Variants in EPC2 observed in about 807,000 individuals in gnomAD.
EPC2 encodes enhancer of polycomb homolog 2.
Under a neutral mutation model 92.1 loss-of-function variants are expected in EPC2, and 14 were observed. The ratio of observed to expected loss-of-function variants is 0.15; its 90% CI spans 0.10 to 0.24. The LOEUF (loss-of-function observed/expected upper bound fraction) is 0.24, where lower values mean the gene tolerates loss of function less well. EPC2 is among the 10% of genes least tolerant of loss of function. The pLI, the probability that EPC2 is intolerant of heterozygous loss-of-function variation, is 1.00. For synonymous variants in EPC2, 340 were observed against 334.7 expected, an observed-to-expected ratio of 1.02 and a Z score of -0.17; for missense variants, 755 against 971.5, an observed-to-expected ratio of 0.78 and a Z score of 2.96.
chr2:148,673,998 C>A lies in EPC2; in HGVS notation c.154-16216C>A, dbSNP rs531537897. Among the ~76,000 whole-genome samples the A allele has an allele frequency of 2.0e-5, 3 of 152,150 alleles. No homozygotes were observed. The South Asian group carries it at 6.2e-4, about 32-fold the overall frequency. On this transcript the variant is annotated intron_variant, in intron 1 of 13. Coordinates refer to ENST00000258484, the MANE Select transcript of EPC2 (RefSeq NM_015630.4). ...ATTCATAGATCTTTTGGGTTGTTTT[C>A]TTGATTTAGTTTCTTGCTTTATTGG...
chr2:148,703,021 G>T (rs1437806230), intron 2 of EPC2, among the ~76,000 whole-genome samples: 2 of 152,112 alleles, frequency 1.3e-5, no homozygotes, highest in Non-Finnish European at 2.9e-5. Context: ...TAATGGTGCA[G>T]AGCACTATGG....
intron 6 of EPC2, among the ~76,000 whole-genome samples, chr2:148,764,338 G>A (rs1197067733): frequency 6.6e-6 from 1 of 152,016 alleles, no homozygotes; most frequent in African/African-American, 2.4e-5. Context: ...CTCTGTTGAG[G>A]GGAGGTGGGG....
intron 1 of EPC2, among the ~76,000 whole-genome samples, chr2:148,655,855 C>T (rs1436291868): frequency 2.0e-5 from 3 of 152,066 alleles, no homozygotes; most frequent in African/African-American, 7.2e-5. Context: ...TCACATTTAG[C>T]ACATTTACTA....
intron 2 of EPC2, among the ~76,000 whole-genome samples, chr2:148,734,646 T>C (rs1339031070): frequency 1.3e-5 from 2 of 152,110 alleles, no homozygotes; most frequent in African/African-American, 4.8e-5. Flanking sequence ...GCACAAATTA[T>C]TTCATTTAAT....
chr2:148,645,801 G>T (rs1248185858), intron 1 of EPC2, among the ~76,000 whole-genome samples: 4 of 152,296 alleles, frequency 2.6e-5, no homozygotes, highest in Admixed American at 6.5e-5. Flanking sequence ...ACCCGAGCCG[G>T]GCGCGGGGCG....
intron 12 of EPC2, among the ~76,000 whole-genome samples, chr2:148,784,141 C>G (rs1353543379): frequency 6.6e-6 from 1 of 152,232 alleles, no homozygotes; most frequent in Non-Finnish European, 1.5e-5. Context: ...CCTTCCCACT[C>G]TTACATACTG....
intron 1 of EPC2, among the ~76,000 whole-genome samples, chr2:148,657,027 C>T (rs1046928909): frequency 2.6e-5 from 4 of 151,494 alleles, no homozygotes; most frequent in African/African-American, 4.9e-5. Context: ...TTGTTACGCT[C>T]ATATAGGGAA....
At chr2:148,662,021 C>T (rs1479664921) in intron 1 of EPC2, among the ~76,000 whole-genome samples, 3 of 152,136 alleles carry the variant, frequency 2.0e-5, no homozygotes, top group Non-Finnish European at 2.9e-5. Context: ...TGAACAGACA[C>T]TTCTCAAAAG....
chr2:148,645,395 G>C, intron 1 of EPC2: 1 of 467,794 alleles, frequency 2.1e-6, no homozygotes. Flanking sequence ...AGCTCGCAGC[G>C]CTGCTTACGC....
rs776271708 is a variant in EPC2, at chr2:148,690,492, T to C, written c.313+119T>C. On this transcript the variant is annotated intron_variant, in intron 2 of 13. Transcript: ENST00000258484. ...ATTCATACACACTGATTAATAGATATGTTAAACATTAAAGAATAAAATCCC... is the reference window on the plus strand; with the variant it reads ...ATTCATACACACTGATTAATAGATACGTTAAACATTAAAGAATAAAATCCC... 4.5e-6 allele frequency: 4 copies of C among 888,390 alleles called. No individual in the cohort carries two copies. In the Admixed American group the frequency reaches 9.0e-5, roughly 20 times the overall value. The allele number at this position is 888,390 out of a possible 1,614,324, so 55.0% of individuals were successfully genotyped here.
rs745607433 is a variant in EPC2, at chr2:148,759,595, AT to A, written c.667-2178del. ...TGTACTGTGGTTCTATGTGAATATC[AT>A]TTTTTTTTGAAAATATATATTAAAG... On this transcript the variant is annotated intron_variant, in intron 4 of 13. Coordinates refer to ENST00000258484, the MANE Select transcript of EPC2 (RefSeq NM_015630.4). 2.8e-4 allele frequency among the ~76,000 whole-genome samples: 42 copies of A among 150,844 alleles called. No homozygotes were observed. In the East Asian group the frequency reaches 3.1e-3, roughly 11 times the overall value.
chr2:148,775,118 A>T (rs1188034582), intron 10 of EPC2, among the ~76,000 whole-genome samples: 2 of 151,978 alleles, frequency 1.3e-5, no homozygotes, highest in Non-Finnish European at 2.9e-5. Context: ...AAGAAAAAGA[A>T]AACCACTTCT....
chr2:148,760,979 A>G (rs1235358297), intron 4 of EPC2, among the ~76,000 whole-genome samples: 2 of 152,212 alleles, frequency 1.3e-5, no homozygotes, highest in South Asian at 2.1e-4. Flanking sequence ...TTTTAAACAA[A>G]TAGTTCCATG....
At chr2:148,698,690 T>A (rs895926426) in intron 2 of EPC2, among the ~76,000 whole-genome samples, 3 of 92,662 alleles carry the variant, frequency 3.2e-5, no homozygotes, top group Admixed American at 1.7e-4. Context: ...ACTAAGAAAG[T>A]AAGCTTTTTT....
intron 3 of EPC2, among the ~76,000 whole-genome samples, chr2:148,746,661 G>A (rs1026449974): frequency 6.6e-6 from 1 of 152,046 alleles, no homozygotes; most frequent in Non-Finnish European, 1.5e-5. Flanking sequence ...ATAGAGAGTA[G>A]ATTACATAAT....
chr2:148,705,990 G>A lies in EPC2; in HGVS notation c.313+15617G>A, dbSNP rs148265990. 3.7e-4 allele frequency among the ~76,000 whole-genome samples: 56 copies of A among 152,278 alleles called. 1 individual carries two copies. The East Asian group carries it at 6.0e-3, about 16-fold the overall frequency. On this transcript the variant is annotated intron_variant, in intron 2 of 13. Transcript: ENST00000258484. Reference sequence around the variant, plus strand: ...CACCAGCAACGGAACAAAGCTGGACGGAGAATGACTTTGACAAATTGACAG... The same window carrying A: ...CACCAGCAACGGAACAAAGCTGGACAGAGAATGACTTTGACAAATTGACAG...
intron 5 of EPC2, 59 bp downstream of exon 5, chr2:148,761,989 G>C: frequency 7.0e-7 from 1 of 1,427,200 alleles, no homozygotes. Flanking sequence ...TGGGCAAAAT[G>C]AACCAAAAGA....
intron 6 of EPC2, 91 bp from the exon 7 acceptor site, chr2:148,764,864 T>G: frequency 1.0e-6 from 1 of 975,724 alleles, no homozygotes; most frequent in Non-Finnish European, 1.4e-6. Flanking sequence ...TGGGTAAAAA[T>G]GTATGTTTTT....
At chr2:148,775,930 A>G (rs1164405896) in intron 10 of EPC2, among the ~76,000 whole-genome samples, 1 of 151,540 alleles carries the variant, frequency 6.6e-6, no homozygotes, top group Non-Finnish European at 1.5e-5. Flanking sequence ...GGTGCCCACC[A>G]CCACACCTGC....
Sources: gnomAD v4.1 joint callset for allele counts (sites outside exome capture counted in the v4.1 genomes callset) on GRCh38, gnomAD v4.1.1 for gene constraint, MANE v1.5 for transcripts, NCBI Gene and HGNC (gene_info 2026-07-23, HGNC 2026-07-21) for gene names.